Variants in GABPA observed in about 807,000 individuals in gnomAD.
The protein encoded by GABPA is GA binding protein transcription factor subunit alpha.
In GABPA, 4 loss-of-function variants were observed where a neutral mutation model predicts 59.4. That is an observed-to-expected ratio of 0.07 (90% CI 0.03 to 0.15). The LOEUF (loss-of-function observed/expected upper bound fraction) is 0.15. Among genes scored for constraint, GABPA ranks in the 10% least tolerant of loss-of-function variants. GABPA has a pLI of 1.00. For missense variants in GABPA, 251 were observed against 543.8 expected, an observed-to-expected ratio of 0.46 and a Z score of 5.36; for synonymous variants, 164 against 183.1, an observed-to-expected ratio of 0.90 and a Z score of 0.84.
At chr21:25,736,161 C>G (rs182999771) in intron 1 of GABPA, among the ~76,000 whole-genome samples, 1 of 152,060 alleles carries the variant, frequency 6.6e-6, no homozygotes, top group Non-Finnish European at 1.5e-5. Flanking sequence ...TTTTTGTGTA[C>G]TAGAAGACAC....
chr21:25,754,425 T>A (rs1375315545), intron 5 of GABPA, among the ~76,000 whole-genome samples: 1 of 152,146 alleles, frequency 6.6e-6, no homozygotes, highest in African/African-American at 2.4e-5. Flanking sequence ...CTGCTGCATC[T>A]TTTTTCTTGT....
At chr21:25,755,550 G>A (rs964955834) in intron 5 of GABPA, among the ~76,000 whole-genome samples, 6 of 152,034 alleles carry the variant, frequency 3.9e-5, no homozygotes, top group Admixed American at 1.3e-4. Context: ...TGGGGTAGGT[G>A]TGTATGTGAA....
intron 3 of GABPA, 86 bp from the exon 4 acceptor site, chr21:25,748,950 G>T (rs1324437756): frequency 1.3e-6 from 1 of 786,456 alleles, no homozygotes; most frequent in Non-Finnish European, 2.3e-6. Context: ...GTTCTGTTTG[G>T]TACATCCATT....
In GABPA at chr21:25,772,372, AAC is replaced by A. The variant is rs1399615414; in HGVS notation, c.*3142_*3143del. 5 of 152,144 alleles carry A rather than the reference AAC, an allele frequency of 3.3e-5. No homozygotes were observed. Among genetic ancestry groups the A allele is most frequent in the African/African-American group, 7.2e-5 (3 of 41,458 alleles). 9.4% of individuals were successfully genotyped at this position (152,144 alleles called of 1,614,324 possible). ...TAATTTTTTTTGTAATTTTACATAA[AAC>A]AGTTATTTTCTATTTTTACGCAGAT... On this transcript the variant is annotated 3_prime_UTR_variant, in exon 10 of 10. Coordinates refer to ENST00000400075, the MANE Select transcript of GABPA (RefSeq NM_002040.4).
At position 25,764,575 on chromosome 21, in the gene GABPA, T is replaced by C; in HGVS notation, c.944-20T>C. The C allele has an allele frequency of 6.2e-7, 1 of 1,602,118 alleles. No individual in the cohort carries two copies. Among genetic ancestry groups the C allele is most frequent in the Non-Finnish European group, 8.5e-7 (1 of 1,171,222 alleles). ...ATCTATAACACTATAGCTAATGCTT[T>C]GTTCCTCTTACCAATTTAGGAAACA... On this transcript the variant is annotated intron_variant, in intron 8 of 9. Transcript: ENST00000400075.
At chr21:25,743,832 C>T (rs1241767298) in intron 2 of GABPA, among the ~76,000 whole-genome samples, 1 of 151,954 alleles carries the variant, frequency 6.6e-6, no homozygotes, top group Non-Finnish European at 1.5e-5. Context: ...GCAGGTGAAT[C>T]ACGAGGTCAA....
intron 9 of GABPA, among the ~76,000 whole-genome samples, chr21:25,765,117 CCT>C (rs2035859737): frequency 1.3e-5 from 2 of 151,798 alleles, no homozygotes; most frequent in Non-Finnish European, 2.9e-5. Context: ...CAGAAACTGT[CCT>C]CTGTTTTTAC....
intron 5 of GABPA, among the ~76,000 whole-genome samples, chr21:25,755,298 A>T (rs2123540801): frequency 6.6e-6 from 1 of 152,140 alleles, no homozygotes; most frequent in South Asian, 2.1e-4. Context: ...TAGAAAAAAG[A>T]GCTGGGCATG....
At chr21:25,766,884 A>T (rs1187754390) in intron 9 of GABPA, among the ~76,000 whole-genome samples, 21 of 151,990 alleles carry the variant, frequency 1.4e-4, no homozygotes, top group Admixed American at 1.4e-3. Flanking sequence ...ATATCTATCA[A>T]CAGTAGAGTG....
intron 2 of GABPA, among the ~76,000 whole-genome samples, chr21:25,744,917 C>T (rs1009607701): frequency 6.6e-6 from 1 of 151,996 alleles, no homozygotes; most frequent in Non-Finnish European, 1.5e-5. Context: ...CAAATGCAAA[C>T]ATAATGTATG....
At chr21:25,737,186 G>T (rs1337668669) in intron 1 of GABPA, among the ~76,000 whole-genome samples, 5 of 152,216 alleles carry the variant, frequency 3.3e-5, no homozygotes, top group Non-Finnish European at 2.9e-5. Context: ...GAACCAGAGT[G>T]TCAAAGTATA....
At chr21:25,737,572 G>C (rs1200773011) in intron 1 of GABPA, among the ~76,000 whole-genome samples, 1 of 152,078 alleles carries the variant, frequency 6.6e-6, no homozygotes, top group Non-Finnish European at 1.5e-5. Flanking sequence ...AAAGATCATA[G>C]GATAAATTTC....
chr21:25,757,951 T>C, intron 5 of GABPA, 59 bp from the exon 6 acceptor site: 1 of 1,049,542 alleles, frequency 9.5e-7, no homozygotes, highest in South Asian at 2.2e-5. Context: ...AGAAGTTAAC[T>C]GTAAATTTAC....
intron 9 of GABPA, 89 bp downstream of exon 9, chr21:25,764,876 T>G: frequency 1.2e-6 from 1 of 859,488 alleles, no homozygotes. Flanking sequence ...AGCATTGTTA[T>G]GTAATGATAT....
At chr21:25,744,462 A>G (rs1032774291) in intron 2 of GABPA, among the ~76,000 whole-genome samples, 2 of 152,218 alleles carry the variant, frequency 1.3e-5, no homozygotes, top group African/African-American at 4.8e-5. Flanking sequence ...GTTTTTGACA[A>G]TCACAAATAA....
chr21:25,765,992 A>C, intron 9 of GABPA, among the ~76,000 whole-genome samples: 1 of 152,018 alleles, frequency 6.6e-6, no homozygotes, highest in East Asian at 1.9e-4. Flanking sequence ...CCTGAAGATT[A>C]GCAAAGTGGA....
intron 6 of GABPA, among the ~76,000 whole-genome samples, chr21:25,759,904 A>ATT (rs1452770017): frequency 2.6e-5 from 4 of 152,214 alleles, no homozygotes; most frequent in African/African-American, 9.7e-5. Flanking sequence ...AGTCTTTCCC[A>ATT]GGTCAGCTGT....
intron 9 of GABPA, among the ~76,000 whole-genome samples, chr21:25,767,496 AAAG>A (rs1360179375): frequency 1.3e-5 from 2 of 151,978 alleles, no homozygotes; most frequent in Non-Finnish European, 2.9e-5. Context: ...TACTAGATCA[AAAG>A]AAGTATTCAG....
chr21:25,771,298 TC>T lies in GABPA; in HGVS notation c.*2069del, dbSNP rs1159751167. 2 of 151,968 alleles carry T rather than the reference TC, an allele frequency of 1.3e-5. No homozygotes were observed. The highest frequency in any genetic ancestry group is 2.4e-5 in the African/African-American group (1 of 41,446). 9.4% of individuals were successfully genotyped at this position (151,968 alleles called of 1,614,324 possible). A position where few individuals can be genotyped will look rare whatever the true frequency, so the allele number is the denominator to read the frequency against. On this transcript the variant is annotated 3_prime_UTR_variant, in exon 10 of 10. Coordinates refer to ENST00000400075, the MANE Select transcript of GABPA (RefSeq NM_002040.4). ...TAAAGCTAAAAACATTACTTTTAGA[TC>T]CCTAGAATGAAAATTTTTTTCTCAT...
Sources: gnomAD v4.1 joint callset for allele counts (sites outside exome capture counted in the v4.1 genomes callset) on GRCh38, gnomAD v4.1.1 for gene constraint, MANE v1.5 for transcripts, NCBI Gene and HGNC (gene_info 2026-07-23, HGNC 2026-07-21) for gene names.